CELF2: variants seen among roughly 807,000 people sequenced by gnomAD.
CELF2 encodes the protein CUG triplet repeat RNA-binding protein 2.
In CELF2, 8 loss-of-function variants were observed where a neutral mutation model predicts 62.6. The observed-to-expected ratio is 0.13, with a 90% confidence interval of 0.07 to 0.23. The LOEUF is 0.23. Among genes scored for constraint, CELF2 ranks in the 10% least tolerant of loss-of-function variants. The pLI is 1.00. For synonymous variants in CELF2, 258 were observed against 250.0 expected, an observed-to-expected ratio of 1.03 and a Z score of -0.30; for missense variants, 333 against 671.0, an observed-to-expected ratio of 0.50 and a Z score of 5.56.
At chr10:11,251,212 A>C (rs2077027984) in intron 4 of CELF2, among the ~76,000 whole-genome samples, 1 of 151,606 alleles carries the variant, frequency 6.6e-6, no homozygotes. Context: ...GAAACATGAC[A>C]AATTAGCCAA....
intron 1 of CELF2, among the ~76,000 whole-genome samples, chr10:10,878,045 A>C (rs900115000): frequency 6.6e-5 from 10 of 152,182 alleles, no homozygotes; most frequent in African/African-American, 2.4e-4. Context: ...GGACCAGTGG[A>C]CCTCCCTGCC....
At chr10:11,206,507 G>A (rs996096513) in intron 2 of CELF2, among the ~76,000 whole-genome samples, 6 of 152,134 alleles carry the variant, frequency 3.9e-5, no homozygotes, top group African/African-American at 7.2e-5. Flanking sequence ...GTTTAACCCC[G>A]TGATGCCTCC....
chr10:10,510,120 G>A, the CELF2 span, among the ~76,000 whole-genome samples: 1 of 152,120 alleles, frequency 6.6e-6, no homozygotes, highest in Admixed American at 6.5e-5. Context: ...ACCCATAATT[G>A]CCTTTAATAT....
intron 2 of CELF2, among the ~76,000 whole-genome samples, chr10:11,203,125 T>G (rs2059655390): frequency 6.6e-6 from 1 of 152,128 alleles, no homozygotes; most frequent in Non-Finnish European, 1.5e-5. Context: ...TGGCAATGAT[T>G]GAGAAAAATG....
upstream of CELF2, among the ~76,000 whole-genome samples, chr10:10,794,082 A>G (rs1487428201): frequency 6.6e-6 from 1 of 152,106 alleles, no homozygotes; most frequent in Non-Finnish European, 1.5e-5. Context: ...GGTGTGCTGT[A>G]TTTTATCTTG....
intron 2 of CELF2, among the ~76,000 whole-genome samples, chr10:10,974,010 A>G (rs2051054558): frequency 6.6e-6 from 1 of 152,226 alleles, no homozygotes; most frequent in African/African-American, 2.4e-5. Context: ...TCAGGGAAGC[A>G]TAGATAAATG....
intron 3 of CELF2, among the ~76,000 whole-genome samples, chr10:11,234,603 A>AC (rs11387213): frequency 0.76 from 112,495 of 148,986 alleles, 43,744 homozygotes; most frequent in Non-Finnish European, 0.87. Flanking sequence ...AATGGCGTGA[A>AC]CCCGGGGGGC....
intron 1 of CELF2, among the ~76,000 whole-genome samples, chr10:11,135,162 G>T (rs1322940009): frequency 2.0e-5 from 3 of 152,212 alleles, no homozygotes; most frequent in Admixed American, 2.0e-4. Context: ...CTCTGGTCCT[G>T]ACCAGCTCTG....
chr10:11,317,033 A>T (rs1340891722), intron 10 of CELF2: 4 of 152,212 alleles, frequency 2.6e-5, no homozygotes, highest in Non-Finnish European at 4.4e-5. Flanking sequence ...AAGTTGAAGA[A>T]CATACTTTTT....
At chr10:10,656,128 C>G in the CELF2 span, among the ~76,000 whole-genome samples, 2 of 145,948 alleles carry the variant, frequency 1.4e-5, no homozygotes, top group Non-Finnish European at 3.0e-5. Flanking sequence ...AAATGCTCAT[C>G]ATCACTGGCC....
At chr10:11,256,573 CTT>C (rs374817123) in intron 4 of CELF2, among the ~76,000 whole-genome samples, 20 of 100,864 alleles carry the variant, frequency 2.0e-4, no homozygotes, top group Admixed American at 3.3e-4. Context: ...TGGCTAGCTT[CTT>C]TTTTTTTTTT....
intron 9 of CELF2, among the ~76,000 whole-genome samples, chr10:11,298,835 G>T (rs1186645876): frequency 6.6e-6 from 1 of 152,162 alleles, no homozygotes. Context: ...AGAAGACTAG[G>T]TTAAAACTAG....
chr10:10,535,922 G>A, the CELF2 span, among the ~76,000 whole-genome samples: 17,862 of 152,000 alleles, frequency 0.12, 1,181 homozygotes, highest in Middle Eastern at 0.22. Context: ...CAAACCTGTG[G>A]GATAAATAGC....
intron 1 of CELF2, among the ~76,000 whole-genome samples, chr10:10,836,408 TA>T (rs2058289537): frequency 6.6e-6 from 1 of 152,084 alleles, no homozygotes. Context: ...GCTGAGAAAC[TA>T]GAGATAAAAC....
At chr10:10,935,422 G>C (rs2066519033) in intron 2 of CELF2, 1 of 152,166 alleles carries the variant, frequency 6.6e-6, no homozygotes, top group Non-Finnish European at 1.5e-5. Context: ...TCCTATAAAA[G>C]AGCAGAGATG....
the CELF2 span, among the ~76,000 whole-genome samples, chr10:10,578,803 C>T: frequency 1.3e-5 from 2 of 152,186 alleles, no homozygotes; most frequent in African/African-American, 4.8e-5. Flanking sequence ...TAGGCATTCA[C>T]ATCTTGACGT....
chr10:11,047,776 A>AT (rs2063128248), intron 1 of CELF2, among the ~76,000 whole-genome samples: 1 of 152,060 alleles, frequency 6.6e-6, no homozygotes, highest in Non-Finnish European at 1.5e-5. Flanking sequence ...TTCAGGCTAA[A>AT]TTTTTCTGGG....
upstream of CELF2, among the ~76,000 whole-genome samples, chr10:11,002,282 T>C (rs1480401997): frequency 2.0e-5 from 3 of 152,206 alleles, no homozygotes; most frequent in African/African-American, 7.2e-5. The surrounding 1 kb of genome is among the most constrained non-coding windows in gnomAD (Gnocchi z 4.4). Flanking sequence ...ACCGCCCCTG[T>C]GATTTCAGTT....
chr10:11,114,159 T>G (rs1257380565), intron 1 of CELF2, among the ~76,000 whole-genome samples: 4 of 152,226 alleles, frequency 2.6e-5, no homozygotes, highest in Admixed American at 2.6e-4. Context: ...GGTTTCCTAG[T>G]TCTTGTTGGT....
Sources: allele counts gnomAD v4.1 joint callset (sites outside exome capture counted in the v4.1 genomes callset), GRCh38; gene constraint gnomAD v4.1.1; non-coding constraint Gnocchi (gnomAD v3.1); transcripts MANE v1.5; gene names NCBI Gene and HGNC (gene_info 2026-07-23, HGNC 2026-07-21).